The following FYTTD1 variants were observed in gnomAD, a reference collection of about 807,000 sequenced individuals.
The protein encoded by FYTTD1 is UAP56-interacting factor.
In FYTTD1, 22 loss-of-function variants were observed where a neutral mutation model predicts 40.9. That is an observed-to-expected ratio of 0.54 (90% CI 0.38 to 0.77). The LOEUF (loss-of-function observed/expected upper bound fraction) is 0.77, where lower values mean the gene tolerates loss of function less well. Among genes scored for constraint, FYTTD1 ranks in the 30% least tolerant of loss-of-function variants. The pLI, the probability that FYTTD1 is intolerant of heterozygous loss-of-function variation, is 0.00. For synonymous variants in FYTTD1, 140 were observed against 137.9 expected (o/e 1.01, Z -0.10); for missense variants, 351 against 392.2 (o/e 0.90, Z 0.89).
At chr3:197,779,878 C>CACCA in intron 8 of FYTTD1, among the ~76,000 whole-genome samples, 1 of 147,518 alleles carries the variant, frequency 6.8e-6, no homozygotes, top group South Asian at 2.2e-4. Flanking sequence ...CAGGCACACA[C>CACCA]TGCCACACCT....
At chr3:197,765,848 T>C (rs1011059142) in intron 2 of FYTTD1, among the ~76,000 whole-genome samples, 1 of 151,882 alleles carries the variant, frequency 6.6e-6, no homozygotes, top group African/African-American at 2.4e-5. Context: ...TATAAAAAAT[T>C]AGCCGGGCAT....
chr3:197,764,626 G>T (rs979833328), intron 2 of FYTTD1, among the ~76,000 whole-genome samples: 1 of 150,610 alleles, frequency 6.6e-6, no homozygotes, highest in South Asian at 2.1e-4. Flanking sequence ...GGAGAATGGT[G>T]TGAACCCGGG....
intron 7 of FYTTD1, among the ~76,000 whole-genome samples, chr3:197,778,096 C>G (rs76034358): frequency 0.038 from 5,748 of 152,258 alleles, 388 homozygotes; most frequent in African/African-American, 0.13. Context: ...AATGGAAGAT[C>G]AAGAGTTAGG....
chr3:197,760,031 G>A (rs1470060063), intron 2 of FYTTD1, among the ~76,000 whole-genome samples: 1 of 151,354 alleles, frequency 6.6e-6, no homozygotes, highest in African/African-American at 2.4e-5. Context: ...AGAATGTATG[G>A]AGTTGTTCTT....
intron 4 of FYTTD1, 150 bp downstream of exon 4, chr3:197,770,394 A>G (rs1039074597): frequency 2.7e-5 from 17 of 626,362 alleles, no homozygotes; most frequent in Non-Finnish European, 4.6e-5. Flanking sequence ...ATCCACATGG[A>G]TGTATCCAGT....
chr3:197,755,918 A>C (rs1729201208), intron 1 of FYTTD1: 8 of 845,256 alleles, frequency 9.5e-6, no homozygotes, highest in Non-Finnish European at 1.5e-5. Flanking sequence ...AGTAGGTAGG[A>C]AAATGGAGGC....
At chr3:197,758,705 A>G (rs1729279738) in intron 2 of FYTTD1, among the ~76,000 whole-genome samples, 1 of 152,220 alleles carries the variant, frequency 6.6e-6, no homozygotes. Context: ...TATTGCTTAC[A>G]TGTGACACGG....
chr3:197,759,190 G>A (rs1469910090), intron 2 of FYTTD1, among the ~76,000 whole-genome samples: 1 of 149,746 alleles, frequency 6.7e-6, no homozygotes, highest in Non-Finnish European at 1.5e-5. Context: ...TTGTTCCTCA[G>A]TGGTAGAATG....
intron 2 of FYTTD1, among the ~76,000 whole-genome samples, chr3:197,762,999 C>G (rs1356710846): frequency 1.3e-5 from 2 of 152,144 alleles, no homozygotes; most frequent in African/African-American, 4.8e-5. Context: ...TGCACGTGTA[C>G]CCCAACCTTA....
intron 1 of FYTTD1, 84 bp from the exon 2 acceptor site, chr3:197,756,342 C>A: frequency 2.2e-6 from 2 of 919,846 alleles, no homozygotes; most frequent in Non-Finnish European, 3.4e-6. Flanking sequence ...AAGTTAGGAA[C>A]GTAGGACATC....
chr3:197,760,977 C>G (rs62283412), intron 2 of FYTTD1, among the ~76,000 whole-genome samples: 5 of 141,906 alleles, frequency 3.5e-5, no homozygotes, highest in African/African-American at 1.4e-4. Flanking sequence ...AATGTATAGA[C>G]TTGTTCTTCA....
chr3:197,777,795 G>C (rs1311995735), intron 7 of FYTTD1, among the ~76,000 whole-genome samples: 2 of 152,030 alleles, frequency 1.3e-5, no homozygotes, highest in Non-Finnish European at 2.9e-5. Context: ...GCTCACTGCT[G>C]CCTCGAACTC....
intron 6 of FYTTD1, among the ~76,000 whole-genome samples, chr3:197,774,686 G>A (rs1729821713): frequency 6.7e-6 from 1 of 148,668 alleles, no homozygotes; most frequent in African/African-American, 2.5e-5. Context: ...ACCATCCTGA[G>A]CAGCATAGCT....
chr3:197,764,427 A>C (rs1342546890), intron 2 of FYTTD1, among the ~76,000 whole-genome samples: 3 of 152,128 alleles, frequency 2.0e-5, no homozygotes, highest in Admixed American at 6.5e-5. Context: ...GCAGAGGAGG[A>C]GGCGGGGCCA....
Position 197,773,523 on chromosome 3 carries a change from T to TTTTGTTTG in FYTTD1, c.594+36_594+43dup, listed in dbSNP as rs3830497. The TTTTGTTTG allele has an allele frequency of 2.4e-5, 24 of 1,012,660 alleles. No individual in the cohort carries two copies. The East Asian group carries it at 3.5e-4, about 15-fold the overall frequency. 62.7% of individuals were successfully genotyped at this position (1,012,660 alleles called of 1,614,324 possible). ...AGGTATTTAAAAACTTTGGCAGTGT[T>TTTTGTTTG]TTTGTTTGTTTGTTTGTTTTTTCCC... On this transcript the variant is annotated intron_variant, in intron 5 of 8. Coordinates refer to ENST00000241502, the MANE Select transcript of FYTTD1 (RefSeq NM_032288.7).
At chr3:197,757,358 T>C (rs1229242434) in intron 2 of FYTTD1, among the ~76,000 whole-genome samples, 1 of 152,244 alleles carries the variant, frequency 6.6e-6, no homozygotes, top group African/African-American at 2.4e-5. Context: ...TTTTCAGATA[T>C]GTAAAAATAT....
intron 1 of FYTTD1, among the ~76,000 whole-genome samples, chr3:197,754,663 C>T (rs1457659026): frequency 8.7e-4 from 117 of 134,804 alleles, no homozygotes; most frequent in Middle Eastern, 4.1e-3. Context: ...TTTTTTTTTT[C>T]TTTCTTTTTT....
At chr3:197,776,811 T>C (rs1729888326) in intron 6 of FYTTD1, 116 bp from the exon 7 acceptor site, 3 of 666,630 alleles carry the variant, frequency 4.5e-6, no homozygotes, top group South Asian at 2.0e-5. Flanking sequence ...CAGGTACTTA[T>C]TTCTTACAAG....
At chr3:197,781,042 G>A (rs796637970) in intron 8 of FYTTD1, among the ~76,000 whole-genome samples, 9 of 151,540 alleles carry the variant, frequency 5.9e-5, no homozygotes, top group Non-Finnish European at 7.4e-5. Context: ...GGCCTGGTGC[G>A]GTGGCTCACG....
Sources: gnomAD v4.1 joint callset for allele counts (sites outside exome capture counted in the v4.1 genomes callset) on GRCh38, gnomAD v4.1.1 for gene constraint, MANE v1.5 for transcripts, NCBI Gene and HGNC (gene_info 2026-07-23, HGNC 2026-07-21) for gene names.